Variants in ZC3H12B observed in about 807,000 individuals in gnomAD.
ZC3H12B encodes the protein zinc finger CCCH-type containing 12B.
In ZC3H12B, 7 loss-of-function variants were observed where a neutral mutation model predicts 43.9. That is an observed-to-expected ratio of 0.16 (90% CI 0.09 to 0.30). The LOEUF (loss-of-function observed/expected upper bound fraction) is 0.30. Ranked by LOEUF, ZC3H12B falls within the 10% of genes least tolerant of loss-of-function variation. ZC3H12B has a pLI of 1.00. For missense variants in ZC3H12B, 475 were observed against 670.2 expected, an observed-to-expected ratio of 0.71 and a Z score of 3.22; for synonymous variants, 222 against 241.7, an observed-to-expected ratio of 0.92 and a Z score of 0.76.
At chrX:65,445,594 CA>C (rs1034744477) in intron 3 of ZC3H12B, among the ~76,000 whole-genome samples, 11 of 112,679 alleles carry the variant, frequency 9.8e-5, no homozygotes, top group African/African-American at 3.2e-4. Context: ...TGTACTGGGT[CA>C]GACCTGAAGT....
At chrX:65,416,649 G>A (rs932915821) in intron 3 of ZC3H12B, among the ~76,000 whole-genome samples, 1 of 109,043 alleles carries the variant, frequency 9.2e-6, no homozygotes, top group African/African-American at 3.4e-5. Context: ...AATTAGCCAA[G>A]TGTGGTGGTG....
the ZC3H12B span, among the ~76,000 whole-genome samples, chrX:65,116,840 C>T: frequency 9.0e-6 from 1 of 111,335 alleles, no homozygotes; most frequent in African/African-American, 3.3e-5. Context: ...TGATACTTTG[C>T]TCAGAATGAT....
the ZC3H12B span, among the ~76,000 whole-genome samples, chrX:65,087,100 G>T: frequency 2.8e-4 from 31 of 110,418 alleles, 1 homozygote; most frequent in Admixed American, 2.9e-4. Flanking sequence ...CTAATGGATG[G>T]CCTCATCATT....
chrX:65,432,664 C>T (rs1158747707), intron 3 of ZC3H12B, among the ~76,000 whole-genome samples: 3 of 111,868 alleles, frequency 2.7e-5, no homozygotes, highest in Non-Finnish European at 5.6e-5. Flanking sequence ...AGATGAGCCC[C>T]CTAGACATTA....
At chrX:65,114,230 TTTTG>T in the ZC3H12B span, among the ~76,000 whole-genome samples, 1 of 107,253 alleles carries the variant, frequency 9.3e-6, no homozygotes, top group East Asian at 3.0e-4. Flanking sequence ...TGTACTGTTT[TTTTG>T]TTCTAAATTT....
At chrX:65,089,900 G>A in the ZC3H12B span, among the ~76,000 whole-genome samples, 2 of 111,263 alleles carry the variant, frequency 1.8e-5, no homozygotes, top group Non-Finnish European at 3.8e-5. Flanking sequence ...AAGGTCTTCA[G>A]GGACAACAAC....
chrX:65,272,199 G>A, the ZC3H12B span: 1 of 102,425 alleles, frequency 9.8e-6, no homozygotes, highest in African/African-American at 4.1e-5. Context: ...GGGCAACAGA[G>A]TGAGACTGTC....
At chrX:65,502,003 A>G (rs1370640789) in exon 5 of ZC3H12B, 1 of 1,210,079 alleles carries the variant, frequency 8.3e-7, no homozygotes, top group Admixed American at 2.2e-5. Context: ...CCAAGCGCCA[A>G]TCAGATCCCA....
At chrX:65,060,944 T>C in the ZC3H12B span, among the ~76,000 whole-genome samples, 62 of 111,706 alleles carry the variant, frequency 5.6e-4, no homozygotes, top group Non-Finnish European at 1.0e-3. Flanking sequence ...TTTTCATTAC[T>C]TGTTATTGGT....
intron 3 of ZC3H12B, among the ~76,000 whole-genome samples, chrX:65,459,458 A>G (rs2067696638): frequency 8.9e-6 from 1 of 111,869 alleles, no homozygotes; most frequent in African/African-American, 3.3e-5. Flanking sequence ...AAAATCCTCA[A>G]TAAAATACTG....
chrX:65,455,837 G>A (rs896331346), intron 3 of ZC3H12B, among the ~76,000 whole-genome samples: 3 of 111,858 alleles, frequency 2.7e-5, no homozygotes, highest in South Asian at 3.7e-4. Context: ...ATTCTTAAAG[G>A]AAAGAATTTT....
chrX:65,064,386 T>C, the ZC3H12B span, among the ~76,000 whole-genome samples: 1 of 112,335 alleles, frequency 8.9e-6, no homozygotes, highest in Admixed American at 9.4e-5. Flanking sequence ...TACTTTCTTA[T>C]TTCTGCCTTA....
the ZC3H12B span, among the ~76,000 whole-genome samples, chrX:65,153,928 T>G: frequency 9.0e-6 from 1 of 110,691 alleles, no homozygotes; most frequent in Admixed American, 9.6e-5. Context: ...ATGTCCTTTG[T>G]AGGGACATGG....
At chrX:65,378,799 T>G (rs1344505600) in intron 2 of ZC3H12B, among the ~76,000 whole-genome samples, 1 of 112,539 alleles carries the variant, frequency 8.9e-6, no homozygotes, top group Non-Finnish European at 1.9e-5. Context: ...ACTCGGGAAG[T>G]GCAAGGGGTC....
the ZC3H12B span, among the ~76,000 whole-genome samples, chrX:65,169,618 A>G: frequency 1.1e-4 from 12 of 111,456 alleles, no homozygotes; most frequent in Non-Finnish European, 1.9e-4. Flanking sequence ...TGATCTGTCT[A>G]ATGTTGACAG....
At chrX:65,219,427 GA>G in the ZC3H12B span, among the ~76,000 whole-genome samples, 1 of 111,345 alleles carries the variant, frequency 9.0e-6, no homozygotes, top group East Asian at 2.8e-4. Flanking sequence ...TATGAATGGG[GA>G]AAAGTCCAGT....
chrX:65,107,926 C>T, the ZC3H12B span, among the ~76,000 whole-genome samples: 1 of 111,702 alleles, frequency 9.0e-6, no homozygotes, highest in Non-Finnish European at 1.9e-5. Flanking sequence ...GGTATAGCCT[C>T]GTGCTCCTAG....
At chrX:65,228,326 T>C in the ZC3H12B span, among the ~76,000 whole-genome samples, 1 of 111,696 alleles carries the variant, frequency 9.0e-6, no homozygotes, top group Admixed American at 9.5e-5. Context: ...TTTGACAAAA[T>C]TCAACAACAC....
chrX:65,272,610 T>G, the ZC3H12B span: 1 of 112,000 alleles, frequency 8.9e-6, no homozygotes, highest in Non-Finnish European at 1.9e-5. Flanking sequence ...ATTGGAAAGC[T>G]AAATGCTCCA....
Sources: allele counts gnomAD v4.1 joint callset (sites outside exome capture counted in the v4.1 genomes callset), GRCh38; gene constraint gnomAD v4.1.1; transcripts MANE v1.5; gene names NCBI Gene and HGNC (gene_info 2026-07-23, HGNC 2026-07-21).